SPTBN2: variants seen among roughly 807,000 people sequenced by gnomAD.
SPTBN2 encodes spectrin beta chain, non-erythrocytic 2.
Under a neutral mutation model 284.2 loss-of-function variants are expected in SPTBN2, and 107 were observed. That is an observed-to-expected ratio of 0.38 (90% CI 0.32 to 0.44). SPTBN2 has a LOEUF of 0.44. SPTBN2 is among the 20% of genes least tolerant of loss of function. The pLI, the probability that SPTBN2 is intolerant of heterozygous loss-of-function variation, is 1.00. For synonymous variants in SPTBN2, 1,289 were observed against 1,354.8 expected (o/e 0.95, Z 1.07); for missense variants, 2,569 against 3,287.1 (o/e 0.78, Z 5.34).
chr11:66,744,075 G>A (rs1330706741), intron 1 of SPTBN2, among the ~76,000 whole-genome samples: 1 of 152,094 alleles, frequency 6.6e-6, no homozygotes, highest in Non-Finnish European at 1.5e-5. Context: ...TGGCCAGGCT[G>A]GTCTCGAACT....
chr11:66,710,741 C>T lies in SPTBN2; in HGVS notation c.914G>A (p.Arg305His), dbSNP rs770418403. The T allele has an allele frequency of 9.9e-6, 16 of 1,613,994 alleles. No homozygotes were observed. The highest frequency in any genetic ancestry group is 8.0e-5 in the African/African-American group (6 of 74,946). The change falls in exon 10 of 38, where the codon CGC becomes CAC. Residue 305 changes from arginine to histidine, a missense_variant. By Grantham distance (29) the Arg-to-His change is conservative. This residue lies in a region of SPTBN2 where 304 missense variants were observed against 522.1 expected (regional missense o/e 0.58). Transcript: ENST00000533211. This position sits in a 1 kb window ranked among gnomAD's most constrained non-coding sequence, Gnocchi z 4.9. ...CAGGGACTCGTATTTCTCCACCAGG[C>T]GCTCTGCCTCCATGGCATGGTCCAG... Reference protein sequence around the residue: ...KVLDHAMEAERLVEKYESLAS... With the variant: ...KVLDHAMEAEHLVEKYESLAS...
rs1041236937 is a variant in SPTBN2, at chr11:66,689,814, C to T, written c.5940G>A (p.Ala1980=). 1.1e-5 allele frequency: 17 copies of T among 1,613,708 alleles called. No individual in the cohort carries two copies. The highest frequency in any genetic ancestry group is 1.7e-5 in the Admixed American group (1 of 60,012). The change falls in exon 29 of 38, where the codon GCG becomes GCA. Residue 1980 remains alanine (A), a synonymous_variant. Coordinates refer to ENST00000533211, the MANE Select transcript of SPTBN2 (RefSeq NM_006946.4). ...CCCAGGCCTCACCCACCTCCTCGGC[C>T]GCATAGTGGCTCCTGGCCAGCAGCT... ...GKELLARSHY[A]AEEISEKLSQ... is the part of the protein sequence containing the mutation.
Position 66,718,900 on chromosome 11 carries a change from C to A in SPTBN2, c.157+2184G>T, listed in dbSNP as rs1004557851. Among the ~76,000 whole-genome samples, 7 of 152,144 alleles carry A rather than the reference C, an allele frequency of 4.6e-5. No homozygotes were observed. The highest frequency in any genetic ancestry group is 1.0e-4 in the Non-Finnish European group (7 of 68,010). On this transcript the variant is annotated intron_variant, in intron 3 of 37. Coordinates refer to ENST00000533211, the MANE Select transcript of SPTBN2 (RefSeq NM_006946.4). This position sits in a 1 kb window ranked among gnomAD's most constrained non-coding sequence, Gnocchi z 4.8. ...GGGGAGAGAGGCGGAGTGTGGCCGG[C>A]GGGGGCAGGGCCAGGCCCTGCGGGG...
At chr11:66,689,280 T>A in intron 29 of SPTBN2, 100 bp from the exon 30 acceptor site, 1 of 1,313,890 alleles carries the variant, frequency 7.6e-7, no homozygotes, top group Non-Finnish European at 1.0e-6. Context: ...TCTTTCTTTC[T>A]TTCTTTTTTT....
rs1939970050 is a variant in SPTBN2 at position 66,684,315 on chromosome 11, C to T, written c.*1556G>A. Among the ~76,000 whole-genome samples, 1 of 152,182 alleles carries T rather than the reference C, an allele frequency of 6.6e-6. No homozygotes were observed. Among genetic ancestry groups the T allele is most frequent in the South Asian group, 2.1e-4 (1 of 4,830 alleles). On this transcript the variant is annotated 3_prime_UTR_variant, in exon 38 of 38. Transcript: ENST00000533211. ...CCAGAGACAAAGGAGAAGCCACCCG[C>T]TCCTTTCTAATACTTCATCAGATCC...
intron 1 of SPTBN2, among the ~76,000 whole-genome samples, chr11:66,726,119 T>C (rs1942614476): frequency 6.6e-6 from 1 of 152,260 alleles, no homozygotes. Context: ...ACAACAGATA[T>C]TCAATAAAGA....
chr11:66,711,158 G>T, intron 8 of SPTBN2, 129 bp from the exon 9 acceptor site: 1 of 765,788 alleles, frequency 1.3e-6, no homozygotes, highest in Non-Finnish European at 2.3e-6. Flanking sequence ...AGAGCAAAAT[G>T]ACAACTTACC....
rs1245971246 is a variant in SPTBN2 at position 66,701,611 on chromosome 11, A to G, written c.2789T>C (p.Val930Ala). Residue 930 changes from valine to alanine, a missense_variant, in exon 16 of 38, where the codon GTC (valine) becomes GCC (alanine). By Grantham distance (64) the Val-to-Ala change is moderately conservative (BLOSUM62 0). Transcript: ENST00000533211. The stretch of plus-strand genomic sequence containing the variant: ...GTGGTTGAGCTGCTCCTGGGTGTTG[A>G]CAATGCGGTCTTTGCCTGGGGGGTT... ...KANPPGKDRI[V>A]NTQEQLNHRW... The G allele has an allele frequency of 1.2e-6, 2 of 1,613,820 alleles. No individual in the cohort carries two copies. Among genetic ancestry groups the G allele is most frequent in the African/African-American group, 1.3e-5 (1 of 74,830 alleles).
chr11:66,701,776 C>T (rs951360865), intron 15 of SPTBN2, 55 bp from the exon 16 acceptor site: 1 of 1,612,200 alleles, frequency 6.2e-7, no homozygotes, highest in Non-Finnish European at 8.5e-7. Flanking sequence ...TGTGCCCAGT[C>T]CACCTAAGTC....
rs1004408367 is a variant in SPTBN2 at position 66,715,742 on chromosome 11, G to A, written c.309+88C>T. ...GAGCCACTGCTTCCCGCCCTGTGCC[G>A]TCACTCTCTCTGAGGGCTGTTCTTC... On this transcript the variant is annotated intron_variant, in intron 4 of 37. Transcript: ENST00000533211. The surrounding 1 kb of genome is among the most constrained non-coding windows in gnomAD (Gnocchi z 5.3). 1.7e-5 allele frequency: 26 copies of A among 1,552,088 alleles called. No individual in the cohort carries two copies. The highest frequency in any genetic ancestry group is 9.4e-5 in the East Asian group (4 of 42,402).
chr11:66,707,301 G>GA lies in SPTBN2; in HGVS notation c.1653+214dup, dbSNP rs1941611551. Among the ~76,000 whole-genome samples the GA allele has an allele frequency of 6.6e-6, 1 of 152,234 alleles. No individual in the cohort carries two copies. The highest frequency in any genetic ancestry group is 2.1e-4 in the South Asian group (1 of 4,836). On this transcript the variant is annotated intron_variant, in intron 13 of 37. Transcript: ENST00000533211. This position sits in a 1 kb window ranked among gnomAD's most constrained non-coding sequence, Gnocchi z 4.9. ...TATGGCCCCTGCTCTTTTGTTTACG[G>GA]AAAGGTCCGTGGGTTTTGTCATCAG... is the stretch of plus-strand genomic sequence containing the variant.
At chr11:66,698,827 GA>G (rs1415436578) in intron 19 of SPTBN2, 42 bp from the exon 20 acceptor site, 10 of 1,611,188 alleles carry the variant, frequency 6.2e-6, no homozygotes, top group African/African-American at 2.7e-5. Context: ...AGGGAGGGGA[GA>G]GGGGGGCATA....
chr11:66,730,061 C>G (rs1942778854), upstream of SPTBN2, among the ~76,000 whole-genome samples: 1 of 152,230 alleles, frequency 6.6e-6, no homozygotes, highest in African/African-American at 2.4e-5. Flanking sequence ...CTCAGCCTCC[C>G]AAAGTGCTGG....
Position 66,691,882 on chromosome 11 carries a change from T to C in SPTBN2, c.5191-224A>G, listed in dbSNP as rs1940574925. Among the ~76,000 whole-genome samples, 1 of 152,188 alleles carries C rather than the reference T, an allele frequency of 6.6e-6. No individual in the cohort carries two copies. The highest frequency in any genetic ancestry group is 1.5e-5 in the Non-Finnish European group (1 of 68,036). ...CCCCAGCAAAGGCGTTTCAAGGTGC[T>C]TGGGACCCTTAGGCTTCAGACAAGG... On this transcript the variant is annotated intron_variant, in intron 26 of 37. Coordinates refer to ENST00000533211, the MANE Select transcript of SPTBN2 (RefSeq NM_006946.4). This position sits in a 1 kb window ranked among gnomAD's most constrained non-coding sequence, Gnocchi z 8.0.
chr11:66,723,360 G>A (rs1057020974), intron 1 of SPTBN2, among the ~76,000 whole-genome samples: 2 of 152,040 alleles, frequency 1.3e-5, no homozygotes, highest in Non-Finnish European at 2.9e-5. Flanking sequence ...CTGTAGTCTC[G>A]GTAGTCTCGG....
intron 3 of SPTBN2, among the ~76,000 whole-genome samples, chr11:66,717,233 C>G (rs895136322): frequency 1.3e-5 from 2 of 152,208 alleles, no homozygotes; most frequent in Admixed American, 6.5e-5. Context: ...GAAGTAAATA[C>G]TAGGTTCCGT....
intron 20 of SPTBN2, 59 bp downstream of exon 20, chr11:66,698,580 G>A: frequency 6.2e-7 from 1 of 1,612,112 alleles, no homozygotes; most frequent in Non-Finnish European, 8.5e-7. Flanking sequence ...CCTGGAGCCA[G>A]GCCCTCCCCC....
chr11:66,743,937 T>C (rs1942927512), intron 1 of SPTBN2, among the ~76,000 whole-genome samples: 1 of 150,444 alleles, frequency 6.6e-6, no homozygotes, highest in Non-Finnish European at 1.5e-5. Flanking sequence ...CTCGGCTCAC[T>C]GCAACCTCCG....
rs932471917 is a variant in SPTBN2 at position 66,708,785 on chromosome 11, G to C, written c.1191+117C>G. ...GGCAGAGTGCTCGAGTTTCAAGTTG[G>C]GGCAGCAGATAGTAGAACTTGGTGA... is the stretch of plus-strand genomic sequence containing the variant. On this transcript the variant is annotated intron_variant, in intron 11 of 37. Coordinates refer to ENST00000533211, the MANE Select transcript of SPTBN2 (RefSeq NM_006946.4). This position sits in a 1 kb window ranked among gnomAD's most constrained non-coding sequence, Gnocchi z 4.4. 1 of 821,560 alleles carries C rather than the reference G, an allele frequency of 1.2e-6. No individual in the cohort carries two copies. The highest frequency in any genetic ancestry group is 1.7e-5 in the African/African-American group (1 of 59,746). The allele number at this position is 821,560 out of a possible 1,614,324, so 50.9% of individuals were successfully genotyped here.
Sources: gnomAD v4.1 joint callset for allele counts (sites outside exome capture counted in the v4.1 genomes callset) on GRCh38, gnomAD v4.1.1 for gene constraint, gnomAD v4.1.1 regional missense constraint, Gnocchi (gnomAD v3.1) non-coding constraint, MANE v1.5 for transcripts, NCBI Gene and HGNC (gene_info 2026-07-23, HGNC 2026-07-21) for gene names.